The following BRWD1 variants were observed in gnomAD, a reference collection of about 807,000 sequenced individuals.
BRWD1 encodes the protein bromodomain and WD repeat-containing protein 1.
In BRWD1, 82 loss-of-function variants were observed where a neutral mutation model predicts 251.2. The ratio of observed to expected loss-of-function variants is 0.33; its 90% CI spans 0.27 to 0.39. The LOEUF (loss-of-function observed/expected upper bound fraction) is 0.39, where lower values mean the gene tolerates loss of function less well. Among genes scored for constraint, BRWD1 ranks in the 10% least tolerant of loss-of-function variants. The probability of loss-of-function intolerance (pLI) is 1.00; values close to 1 mark genes in which losing one functional copy is unlikely to be tolerated. For missense variants in BRWD1, 2,233 were observed against 2,711.6 expected, an observed-to-expected ratio of 0.82 and a Z score of 3.92; for synonymous variants, 918 against 902.8, an observed-to-expected ratio of 1.02 and a Z score of -0.30.
chr21:39,202,064 T>C (rs556685615), intron 38 of BRWD1, among the ~76,000 whole-genome samples: 1 of 152,352 alleles, frequency 6.6e-6, no homozygotes, highest in South Asian at 2.1e-4. Context: ...ATACAAAAAC[T>C]TCAAATGCTG....
Position 39,193,478 on chromosome 21 carries a change from T to C in BRWD1, c.*2781A>G. The C allele has an allele frequency of 1.0e-6, 1 of 985,134 alleles. No homozygotes were observed. The highest frequency in any genetic ancestry group is 1.2e-6 in the Non-Finnish European group (1 of 829,588). The allele number at this position is 985,134 out of a possible 1,614,324, so 61.0% of individuals were successfully genotyped here. On this transcript the variant is annotated 3_prime_UTR_variant, in exon 41 of 41. Transcript: ENST00000342449. ...TCTATCTTGTCAATGTTTGAAATCA[T>C]TTTTCCTTTATATGCTTGGTAAAGT...
chr21:39,317,823 G>A (rs1310458438), upstream of BRWD1, among the ~76,000 whole-genome samples: 1 of 152,228 alleles, frequency 6.6e-6, no homozygotes, highest in African/African-American at 2.4e-5. Flanking sequence ...GACCAAGGCA[G>A]GAGGACCGCA....
chr21:39,195,895 T>C lies in BRWD1; in HGVS notation c.*364A>G. 9.9e-7 allele frequency: 1 copy of C among 1,005,720 alleles called. No individual in the cohort carries two copies. The allele number at this position is 1,005,720 out of a possible 1,614,324, so 62.3% of individuals were successfully genotyped here. ...AGAACAGGGGTTAGAAACTACTGCCTCTTTGACAAATTCAGAAAATAACTG... is the reference window on the plus strand; with the variant it reads ...AGAACAGGGGTTAGAAACTACTGCCCCTTTGACAAATTCAGAAAATAACTG... On this transcript the variant is annotated 3_prime_UTR_variant, in exon 41 of 41. Transcript: ENST00000342449.
At chr21:39,269,042 T>TAA (rs2035019545) in intron 15 of BRWD1, among the ~76,000 whole-genome samples, 1 of 151,914 alleles carries the variant, frequency 6.6e-6, no homozygotes, top group African/African-American at 2.4e-5. Context: ...TACAACCACT[T>TAA]AAACACAACG....
At chr21:39,229,486 AC>A in intron 25 of BRWD1, 50 bp from the exon 26 acceptor site, 1 of 1,508,210 alleles carries the variant, frequency 6.6e-7, no homozygotes, top group Non-Finnish European at 9.1e-7. Flanking sequence ...ATTCCTTAAT[AC>A]TATAATTCTC....
chr21:39,239,293 T>C (rs1166950345), intron 21 of BRWD1, among the ~76,000 whole-genome samples: 2 of 152,152 alleles, frequency 1.3e-5, no homozygotes, highest in African/African-American at 4.8e-5. Context: ...CTTTGTTATC[T>C]TCTAGAAGTT....
chr21:39,193,395 G>T lies in BRWD1; in HGVS notation c.*2864C>A, dbSNP rs181276439. The T allele has an allele frequency of 2.5e-5, 25 of 984,392 alleles. No homozygotes were observed. The Admixed American group carries it at 5.5e-4, about 22-fold the overall frequency. The allele number at this position is 984,392 out of a possible 1,614,324, so 61.0% of individuals were successfully genotyped here. A position where few individuals can be genotyped will look rare whatever the true frequency, so the allele number is the denominator to read the frequency against. ...TTTTATTCATAAGTTACTTCACATTGTAAGTATACCTTTTTAAATAAGGAG... is the reference window on the plus strand; with the variant it reads ...TTTTATTCATAAGTTACTTCACATTTTAAGTATACCTTTTTAAATAAGGAG... On this transcript the variant is annotated 3_prime_UTR_variant, in exon 41 of 41. Coordinates refer to ENST00000342449, the MANE Select transcript of BRWD1 (RefSeq NM_033656.4).
intron 36 of BRWD1, 94 bp downstream of exon 36, chr21:39,209,901 A>G: frequency 8.0e-7 from 1 of 1,251,388 alleles, no homozygotes. Flanking sequence ...TCTATTACAC[A>G]GTGGAAAATT....
chr21:39,253,704 T>C (rs1437017391), intron 19 of BRWD1, among the ~76,000 whole-genome samples: 2 of 152,230 alleles, frequency 1.3e-5, no homozygotes, highest in Non-Finnish European at 2.9e-5. Context: ...CACTCCAGCA[T>C]TCACTGAAAC....
chr21:39,236,507 A>G, intron 23 of BRWD1, 88 bp downstream of exon 23: 1 of 1,199,448 alleles, frequency 8.3e-7, no homozygotes. Context: ...CTATGCCAGT[A>G]TCACGAGAAA....
chr21:39,247,830 C>G lies in BRWD1; in HGVS notation c.2352G>C (p.Ser784=). ...ACTGTGATACCAAAACCACTGAATC[C>G]GACTGAAACACAGAAAAACATGCGA... is the stretch of plus-strand genomic sequence containing the variant. The part of the protein sequence containing the change: ...KRKTLQLSHK[S]DSVVLVSQSR... Residue 784 remains serine, a splice_region_variant and synonymous_variant, in exon 21 of 41, where the codon TCG becomes TCC. Coordinates refer to ENST00000342449, the MANE Select transcript of BRWD1 (RefSeq NM_033656.4). 6.3e-7 allele frequency: 1 copy of G among 1,591,700 alleles called. No homozygotes were observed. Among genetic ancestry groups the G allele is most frequent in the Non-Finnish European group, 8.5e-7 (1 of 1,170,714 alleles).
At chr21:39,239,897 C>G (rs541202729) in intron 21 of BRWD1, among the ~76,000 whole-genome samples, 1 of 152,048 alleles carries the variant, frequency 6.6e-6, no homozygotes, top group South Asian at 2.1e-4. Flanking sequence ...TGATGTTTAC[C>G]CAAATGAGGT....
In BRWD1 at chr21:39,313,445, G is replaced by A; in HGVS notation, c.47C>T (p.Ser16Leu). The change falls in exon 1 of 41, where the codon TCG becomes TTG. Residue 16 changes from serine to leucine, a missense_variant and splice_region_variant. This residue lies in a region of BRWD1 where 101 missense variants were observed against 95.6 expected (regional missense o/e 1.06). Transcript: ENST00000342449. ...SARRPVPLIE[S>L]ELYFLIARYL... is the part of the protein sequence containing the mutation. ...GGTGGCACGGCCTCGCGTCTTACCC[G>A]ACTCGATGAGAGGCACCGGGCGTCG... 1 of 1,379,542 alleles carries A rather than the reference G, an allele frequency of 7.2e-7. No homozygotes were observed. Among genetic ancestry groups the A allele is most frequent in the Non-Finnish European group, 9.3e-7 (1 of 1,071,200 alleles). 85.5% of individuals were successfully genotyped at this position (1,379,542 alleles called of 1,614,324 possible).
intron 31 of BRWD1, chr21:39,217,011 AT>A (rs2032926715): frequency 3.5e-5 from 1 of 28,362 alleles, no homozygotes; most frequent in Admixed American, 5.6e-4. Context: ...GCTCCCACAA[AT>A]ATATATATAT....
intron 13 of BRWD1, among the ~76,000 whole-genome samples, chr21:39,273,174 T>G (rs2035171847): frequency 6.6e-6 from 1 of 152,200 alleles, no homozygotes; most frequent in Non-Finnish European, 1.5e-5. Flanking sequence ...TTCATTCAAG[T>G]TTTGACAGTT....
intron 8 of BRWD1, among the ~76,000 whole-genome samples, chr21:39,281,415 C>G (rs1369550290): frequency 6.6e-6 from 1 of 152,152 alleles, no homozygotes; most frequent in Non-Finnish European, 1.5e-5. Context: ...GCTGACTCGC[C>G]CGAGTGCTGT....
At chr21:39,206,779 T>C (rs979488127) in intron 36 of BRWD1, among the ~76,000 whole-genome samples, 5 of 152,226 alleles carry the variant, frequency 3.3e-5, no homozygotes, top group African/African-American at 9.6e-5. Flanking sequence ...GCAGAAAGTA[T>C]AACCTAGAAC....
chr21:39,238,405 A>T, intron 22 of BRWD1, 74 bp downstream of exon 22: 1 of 1,273,406 alleles, frequency 7.9e-7, no homozygotes, highest in South Asian at 1.3e-5. Context: ...TGCCTCTTGA[A>T]TAAAATTCAA....
intron 12 of BRWD1, among the ~76,000 whole-genome samples, chr21:39,274,845 G>A (rs1317955834): frequency 6.6e-6 from 1 of 152,178 alleles, no homozygotes; most frequent in Non-Finnish European, 1.5e-5. Flanking sequence ...TTCGAGATCA[G>A]TCTGACCAAC....
Sources: allele counts gnomAD v4.1 joint callset (sites outside exome capture counted in the v4.1 genomes callset), GRCh38; gene constraint gnomAD v4.1.1; regional missense constraint gnomAD v4.1.1; transcripts MANE v1.5; gene names NCBI Gene and HGNC (gene_info 2026-07-23, HGNC 2026-07-21).